Variants in RAB27B observed in about 807,000 individuals in gnomAD.
RAB27B encodes ras-related protein Rab-27B.
A neutral mutation model predicts 24.6 loss-of-function variants in RAB27B; 15 were observed. The ratio of observed to expected loss-of-function variants is 0.61; its 90% confidence interval spans 0.41 to 0.94. The LOEUF (loss-of-function observed/expected upper bound fraction) is 0.94. RAB27B is among the 40% of genes least tolerant of loss of function. RAB27B has a pLI of 0.00. For missense variants in RAB27B, 261 were observed against 266.8 expected, an observed-to-expected ratio of 0.98 and a Z score of 0.15; for synonymous variants, 105 against 92.5, an observed-to-expected ratio of 1.14 and a Z score of -0.78.
chr18:54,891,688 G>T lies in RAB27B; in HGVS notation c.*2275G>T, dbSNP rs1913375412. On this transcript the variant is annotated 3_prime_UTR_variant, in exon 6 of 6. Coordinates refer to ENST00000262094, the MANE Select transcript of RAB27B (RefSeq NM_004163.4). Reference sequence around the variant, plus strand: ...TGTTTCTATTCATTTTCAGTTATATGATTGATTTACTTATGCCAAGATTCT... The same window carrying T: ...TGTTTCTATTCATTTTCAGTTATATTATTGATTTACTTATGCCAAGATTCT... 6.6e-6 allele frequency: 1 copy of T among 151,956 alleles called. No homozygotes were observed. Among genetic ancestry groups the T allele is most frequent in the African/African-American group, 2.4e-5 (1 of 41,382 alleles). The allele number at this position is 151,956 out of a possible 1,614,324, so 9.4% of individuals were successfully genotyped here. A position where few individuals can be genotyped will look rare whatever the true frequency, so the allele number is the denominator to read the frequency against.
chr18:54,734,531 C>T (rs889773601), intron 2 of RAB27B, among the ~76,000 whole-genome samples: 1 of 151,522 alleles, frequency 6.6e-6, no homozygotes, highest in Non-Finnish European at 1.5e-5. Flanking sequence ...ACAGTAAAAT[C>T]CTCCCATAGG....
At chr18:54,857,765 C>A (rs1911843119) in intron 1 of RAB27B, among the ~76,000 whole-genome samples, 1 of 152,240 alleles carries the variant, frequency 6.6e-6, no homozygotes, top group South Asian at 2.1e-4. Context: ...CCTGCTCATC[C>A]TCTATAATCC....
chr18:54,722,052 G>T (rs1479357411), intron 2 of RAB27B, among the ~76,000 whole-genome samples: 3 of 152,202 alleles, frequency 2.0e-5, no homozygotes, highest in African/African-American at 7.2e-5. Flanking sequence ...GAGGAAAAAT[G>T]AGATGATATA....
intron 1 of RAB27B, among the ~76,000 whole-genome samples, chr18:54,838,351 C>T (rs1395290338): frequency 6.6e-6 from 1 of 151,966 alleles, no homozygotes. Context: ...CTTCTTCTGC[C>T]TCTTCTCTTC....
At chr18:54,769,227 G>C (rs1200368883) in intron 2 of RAB27B, among the ~76,000 whole-genome samples, 1 of 152,104 alleles carries the variant, frequency 6.6e-6, no homozygotes, top group Non-Finnish European at 1.5e-5. Context: ...TTGGCCAAAA[G>C]AAAGGAGCTA....
chr18:54,751,496 A>G (rs564813076), intron 2 of RAB27B, among the ~76,000 whole-genome samples: 1 of 152,190 alleles, frequency 6.6e-6, no homozygotes, highest in African/African-American at 2.4e-5. Context: ...AGGAGTCGGC[A>G]TATGAGAAAT....
chr18:54,864,496 A>T (rs1032384271), intron 1 of RAB27B, among the ~76,000 whole-genome samples: 1 of 149,916 alleles, frequency 6.7e-6, no homozygotes, highest in East Asian at 2.0e-4. Context: ...AAAAGTTTTT[A>T]TTTTTTTTTC....
intron 2 of RAB27B, among the ~76,000 whole-genome samples, chr18:54,784,743 C>A (rs1005793171): frequency 3.9e-5 from 6 of 152,148 alleles, no homozygotes; most frequent in Non-Finnish European, 8.8e-5. Flanking sequence ...GATTCCATGT[C>A]TTTGCTATTG....
chr18:54,870,020 G>C (rs1912399707), intron 1 of RAB27B, among the ~76,000 whole-genome samples: 1 of 152,010 alleles, frequency 6.6e-6, no homozygotes. Context: ...GTTTTACATA[G>C]AATTTTTTTC....
rs879358187 is a variant in RAB27B at position 54,892,541 on chromosome 18, G to C, written c.*3128G>C. Reference sequence around the variant, plus strand: ...AAGCTTACCTTTTAGGGTAGAAAAAGAAAGATCATTTGAAAAATGTATCTA... The same window carrying C: ...AAGCTTACCTTTTAGGGTAGAAAAACAAAGATCATTTGAAAAATGTATCTA... On this transcript the variant is annotated 3_prime_UTR_variant, in exon 6 of 6. Transcript: ENST00000262094. 4 of 151,988 alleles carry C rather than the reference G, an allele frequency of 2.6e-5. No homozygotes were observed. Among genetic ancestry groups the C allele is most frequent in the Non-Finnish European group, 5.9e-5 (4 of 67,936 alleles). The allele number at this position is 151,988 out of a possible 1,614,324, so 9.4% of individuals were successfully genotyped here.
intron 2 of RAB27B, among the ~76,000 whole-genome samples, chr18:54,768,323 A>G (rs907234857): frequency 6.6e-6 from 1 of 152,144 alleles, no homozygotes; most frequent in Non-Finnish European, 1.5e-5. Flanking sequence ...AAGCAGCAAT[A>G]TGTGGCAATG....
chr18:54,789,535 A>G (rs1909186948), intron 2 of RAB27B, among the ~76,000 whole-genome samples: 1 of 152,148 alleles, frequency 6.6e-6, no homozygotes, highest in Non-Finnish European at 1.5e-5. Context: ...TCATTTGAAT[A>G]TATTATTATC....
intron 1 of RAB27B, among the ~76,000 whole-genome samples, chr18:54,874,176 G>A (rs140256685): frequency 1.3e-5 from 2 of 152,308 alleles, no homozygotes; most frequent in African/African-American, 2.4e-5. Flanking sequence ...CAAGTGGGAA[G>A]TAATCTCCCA....
intron 2 of RAB27B, among the ~76,000 whole-genome samples, chr18:54,801,593 T>C (rs1909613832): frequency 6.6e-6 from 1 of 152,134 alleles, no homozygotes; most frequent in Non-Finnish European, 1.5e-5. Context: ...TGTTGACATT[T>C]TGAGCCAGAC....
intron 1 of RAB27B, among the ~76,000 whole-genome samples, chr18:54,835,160 G>C (rs1202066694): frequency 6.6e-6 from 1 of 151,812 alleles, no homozygotes; most frequent in Non-Finnish European, 1.5e-5. Flanking sequence ...AATACAAAAT[G>C]AAATTAGATT....
At chr18:54,844,579 G>A (rs1182714221) in intron 1 of RAB27B, among the ~76,000 whole-genome samples, 3 of 151,606 alleles carry the variant, frequency 2.0e-5, no homozygotes, top group African/African-American at 7.3e-5. Flanking sequence ...GGTAATTTTT[G>A]TATTTTTAGT....
At chr18:54,863,926 G>A (rs1052274960) in intron 1 of RAB27B, among the ~76,000 whole-genome samples, 1 of 152,126 alleles carries the variant, frequency 6.6e-6, no homozygotes, top group South Asian at 2.1e-4. Flanking sequence ...ATGGACATTT[G>A]GTTTGTTTAT....
chr18:54,780,505 T>C (rs1040602207), intron 2 of RAB27B, among the ~76,000 whole-genome samples: 1 of 151,562 alleles, frequency 6.6e-6, no homozygotes, highest in African/African-American at 2.4e-5. Flanking sequence ...GCCCTCACCG[T>C]GTCTCCCCTT....
chr18:54,834,016 A>G (rs1910796663), intron 1 of RAB27B, among the ~76,000 whole-genome samples: 1 of 152,224 alleles, frequency 6.6e-6, no homozygotes, highest in Non-Finnish European at 1.5e-5. Context: ...GGGAGGTTGA[A>G]CTAAACAACC....
Sources: allele counts gnomAD v4.1 joint callset (sites outside exome capture counted in the v4.1 genomes callset), GRCh38; gene constraint gnomAD v4.1.1; transcripts MANE v1.5; gene names NCBI Gene and HGNC (gene_info 2026-07-23, HGNC 2026-07-21).